ATP8A1: variants seen among roughly 807,000 people sequenced by gnomAD.
The protein encoded by ATP8A1 is ATPase phospholipid transporting 8A1, also known as phospholipid-transporting ATPase IA.
A neutral mutation model predicts 177.7 loss-of-function variants in ATP8A1; 90 were observed. The ratio of observed to expected loss-of-function variants is 0.51; its 90% CI spans 0.43 to 0.60. The LOEUF (loss-of-function observed/expected upper bound fraction) is 0.60. Among genes scored for constraint, ATP8A1 ranks in the 20% least tolerant of loss-of-function variants. The pLI, the probability that ATP8A1 is intolerant of heterozygous loss-of-function variation, is 0.00. For missense variants in ATP8A1, 1,072 were observed against 1,392.8 expected, an observed-to-expected ratio of 0.77 and a Z score of 3.67; for synonymous variants, 493 against 485.9, an observed-to-expected ratio of 1.01 and a Z score of -0.19.
chr4:42,433,353 A>G, intron 33 of ATP8A1, among the ~76,000 whole-genome samples: 1 of 152,104 alleles, frequency 6.6e-6, no homozygotes, highest in Middle Eastern at 3.2e-3. Flanking sequence ...CTGTGGGACT[A>G]CTCCATGACA....
intron 24 of ATP8A1, among the ~76,000 whole-genome samples, chr4:42,494,148 C>T (rs535334099): frequency 5.4e-5 from 6 of 110,508 alleles, no homozygotes; most frequent in Non-Finnish European, 1.0e-4. Context: ...TTGCAGTGAG[C>T]CAAGATCATG....
At chr4:42,628,438 A>C (rs1164667466) in intron 1 of ATP8A1, among the ~76,000 whole-genome samples, 1 of 152,118 alleles carries the variant, frequency 6.6e-6, no homozygotes, top group African/African-American at 2.4e-5. Flanking sequence ...AACCACGCTG[A>C]GGAAGCACGC....
intron 22 of ATP8A1, among the ~76,000 whole-genome samples, chr4:42,514,544 G>A (rs1014878796): frequency 6.6e-6 from 1 of 152,110 alleles, no homozygotes; most frequent in Non-Finnish European, 1.5e-5. Flanking sequence ...GTACATAGAG[G>A]CTGCCTCACT....
chr4:42,475,672 A>C (rs1489268919), intron 25 of ATP8A1, among the ~76,000 whole-genome samples: 1 of 152,186 alleles, frequency 6.6e-6, no homozygotes, highest in Non-Finnish European at 1.5e-5. Flanking sequence ...TTTGAATAAT[A>C]GGTGCCACGT....
At chr4:42,490,079 G>A (rs943735376) in intron 24 of ATP8A1, among the ~76,000 whole-genome samples, 8 of 152,150 alleles carry the variant, frequency 5.3e-5, no homozygotes, top group African/African-American at 1.9e-4. Flanking sequence ...ACTCAGCCAG[G>A]CAAGGGAGGG....
At chr4:42,569,702 C>A (rs1432992570) in intron 14 of ATP8A1, among the ~76,000 whole-genome samples, 2 of 152,068 alleles carry the variant, frequency 1.3e-5, no homozygotes, top group African/African-American at 4.8e-5. Flanking sequence ...GTAAAAGTTA[C>A]CTGCATTTCT....
chr4:42,645,384 G>A (rs957968243), intron 1 of ATP8A1, among the ~76,000 whole-genome samples: 1 of 152,040 alleles, frequency 6.6e-6, no homozygotes, highest in South Asian at 2.1e-4. Flanking sequence ...TTCTTGGCTC[G>A]CAACCTATAT....
At chr4:42,587,720 C>T (rs1733767939) in intron 8 of ATP8A1, among the ~76,000 whole-genome samples, 2 of 151,950 alleles carry the variant, frequency 1.3e-5, no homozygotes, top group Admixed American at 1.3e-4. Context: ...CCTTCTCCTG[C>T]CTCAGCCTCC....
intron 1 of ATP8A1, among the ~76,000 whole-genome samples, chr4:42,640,166 A>T (rs1178309814): frequency 1.3e-5 from 2 of 152,226 alleles, no homozygotes; most frequent in African/African-American, 4.8e-5. Flanking sequence ...GAGTCTACAG[A>T]TGTGCTTTCA....
At chr4:42,468,394 G>A (rs1720020908) in intron 25 of ATP8A1, among the ~76,000 whole-genome samples, 1 of 151,058 alleles carries the variant, frequency 6.6e-6, no homozygotes, top group Non-Finnish European at 1.5e-5. Flanking sequence ...GTATGTGTGT[G>A]TATATATTTT....
chr4:42,471,329 T>C (rs1577999679), intron 25 of ATP8A1, among the ~76,000 whole-genome samples: 1 of 152,290 alleles, frequency 6.6e-6, no homozygotes, highest in East Asian at 1.9e-4. Flanking sequence ...CAGGAGACCT[T>C]ACAATATAGA....
intron 21 of ATP8A1, 121 bp downstream of exon 21, chr4:42,524,642 C>A: frequency 1.9e-6 from 1 of 538,764 alleles, no homozygotes; most frequent in South Asian, 3.4e-5. Context: ...TCTAAATTGC[C>A]AACAGCTGAT....
chr4:42,623,403 AT>A (rs1475831141), intron 4 of ATP8A1, among the ~76,000 whole-genome samples: 6 of 152,204 alleles, frequency 3.9e-5, no homozygotes, highest in African/African-American at 1.4e-4. Context: ...ATGTATGTTC[AT>A]TTCAGCCCTA....
Position 42,456,911 on chromosome 4 carries a change from C to T in ATP8A1, c.2620-1312G>A, listed in dbSNP as rs116581980. ...ATTTATCAATATATACCCAGGCTGG[C>T]CTCCCTATGAACAGGTTCTGTAGCC... On this transcript the variant is annotated intron_variant, in intron 27 of 36. Transcript: ENST00000381668. Among the ~76,000 whole-genome samples, 851 of 152,218 alleles carry T rather than the reference C, an allele frequency of 5.6e-3. 9 individuals are homozygous for T. The highest frequency in any genetic ancestry group is 0.018 in the African/African-American group (767 of 41,546).
intron 22 of ATP8A1, among the ~76,000 whole-genome samples, chr4:42,511,917 G>T (rs933903280): frequency 3.3e-5 from 5 of 151,872 alleles, no homozygotes; most frequent in African/African-American, 1.2e-4. Flanking sequence ...TGGGCTATTT[G>T]GCAGAAATTT....
At chr4:42,571,421 G>T (rs1229386258) in intron 14 of ATP8A1, among the ~76,000 whole-genome samples, 1 of 151,154 alleles carries the variant, frequency 6.6e-6, no homozygotes, top group Non-Finnish European at 1.5e-5. Flanking sequence ...TTTATAGACT[G>T]TATCTTGTTA....
intron 10 of ATP8A1, 24 bp from the exon 11 acceptor site, chr4:42,580,002 A>G: frequency 6.4e-7 from 1 of 1,554,746 alleles, no homozygotes; most frequent in Non-Finnish European, 8.7e-7. Context: ...CAAGATGAGT[A>G]ATAAAAAATG....
At chr4:42,526,204 T>C (rs990573889) in intron 20 of ATP8A1, among the ~76,000 whole-genome samples, 2 of 136,572 alleles carry the variant, frequency 1.5e-5, no homozygotes, top group African/African-American at 2.5e-5. Flanking sequence ...ATGAGAAAAA[T>C]TAATTTTCTA....
rs550395657 is a variant in ATP8A1, at chr4:42,622,074, G to A, written c.363+2462C>T. On this transcript the variant is annotated intron_variant, in intron 4 of 36. Transcript: ENST00000381668. Reference sequence around the variant, plus strand: ...TCATATACAAAACTCATCTCAAGATGGATTAAAGACTTAAATGAAGGCTGG... The same window carrying A: ...TCATATACAAAACTCATCTCAAGATAGATTAAAGACTTAAATGAAGGCTGG... 3.8e-4 allele frequency among the ~76,000 whole-genome samples: 58 copies of A among 152,246 alleles called. 1 individual carries two copies. The South Asian group carries it at 7.7e-3, about 20-fold the overall frequency.
Sources: allele counts gnomAD v4.1 joint callset (sites outside exome capture counted in the v4.1 genomes callset), GRCh38; gene constraint gnomAD v4.1.1; transcripts MANE v1.5; gene names NCBI Gene and HGNC (gene_info 2026-07-23, HGNC 2026-07-21).